The following CNTNAP2 variants were observed in gnomAD, a reference collection of about 807,000 sequenced individuals.
CNTNAP2 encodes contactin associated protein 2, also known as contactin-associated protein-like 2.
Under a neutral mutation model 155.2 loss-of-function variants are expected in CNTNAP2, and 98 were observed. The ratio of observed to expected loss-of-function variants is 0.63; its 90% CI spans 0.54 to 0.75. The LOEUF (loss-of-function observed/expected upper bound fraction) is 0.75, where lower values mean the gene tolerates loss of function less well. Ranked by LOEUF, CNTNAP2 falls within the 30% of genes least tolerant of loss-of-function variation. CNTNAP2 has a pLI of 0.00. For missense variants in CNTNAP2, 1,727 were observed against 1,688.1 expected, an observed-to-expected ratio of 1.02 and a Z score of -0.40; for synonymous variants, 651 against 631.2, an observed-to-expected ratio of 1.03 and a Z score of -0.47.
At chr7:147,087,979 A>G (rs1341484691) in intron 4 of CNTNAP2, among the ~76,000 whole-genome samples, 1 of 151,948 alleles carries the variant, frequency 6.6e-6, no homozygotes, top group Non-Finnish European at 1.5e-5. Context: ...TCCACCTCAA[A>G]AACAAAAAAA....
At chr7:147,694,495 T>A (rs1563055627) in intron 13 of CNTNAP2, among the ~76,000 whole-genome samples, 2 of 152,142 alleles carry the variant, frequency 1.3e-5, no homozygotes, top group Non-Finnish European at 1.5e-5. Flanking sequence ...ATTTAGAAGG[T>A]TATTAATTAT....
intron 12 of CNTNAP2, among the ~76,000 whole-genome samples, chr7:147,591,541 A>G (rs1800734452): frequency 6.6e-6 from 1 of 152,144 alleles, no homozygotes; most frequent in Non-Finnish European, 1.5e-5. Flanking sequence ...GCACATGAGT[A>G]TCTTCTAATC....
chr7:146,419,337 G>A (rs1795979385), intron 1 of CNTNAP2, among the ~76,000 whole-genome samples: 1 of 151,984 alleles, frequency 6.6e-6, no homozygotes, highest in Admixed American at 6.6e-5. Context: ...CACAACACTT[G>A]GGAATTATGG....
chr7:146,297,667 A>G (rs1800535695), intron 1 of CNTNAP2, among the ~76,000 whole-genome samples: 1 of 152,136 alleles, frequency 6.6e-6, no homozygotes, highest in African/African-American at 2.4e-5. Flanking sequence ...AGAGTTATAA[A>G]TTTATATGTA....
intron 13 of CNTNAP2, among the ~76,000 whole-genome samples, chr7:147,783,202 G>GTATTGTGT (rs1183929643): frequency 6.6e-6 from 1 of 152,168 alleles, no homozygotes; most frequent in African/African-American, 2.4e-5. Context: ...TTTTAGGTAA[G>GTATTGTGT]TTGGGAATTG....
At chr7:146,561,368 A>G (rs1445397402) in intron 1 of CNTNAP2, among the ~76,000 whole-genome samples, 2 of 152,160 alleles carry the variant, frequency 1.3e-5, no homozygotes, top group Non-Finnish European at 2.9e-5. Flanking sequence ...AACAAATTAC[A>G]ATAAGGTCGG....
At chr7:147,472,014 A>AAGGCAG (rs1246252671) in intron 10 of CNTNAP2, among the ~76,000 whole-genome samples, 12 of 152,140 alleles carry the variant, frequency 7.9e-5, no homozygotes, top group African/African-American at 2.9e-4. Flanking sequence ...CATGTGTGCA[A>AAGGCAG]AGGCAGCCTC....
chr7:147,830,919 A>G (rs1033048203), intron 13 of CNTNAP2, among the ~76,000 whole-genome samples: 1 of 152,222 alleles, frequency 6.6e-6, no homozygotes, highest in Non-Finnish European at 1.5e-5. Flanking sequence ...CTCTCAAAGA[A>G]TTAAATTTTG....
chr7:147,362,368 C>G (rs902653674), intron 9 of CNTNAP2, among the ~76,000 whole-genome samples: 1 of 152,096 alleles, frequency 6.6e-6, no homozygotes, highest in Non-Finnish European at 1.5e-5. Flanking sequence ...CTCCTGAGCC[C>G]AAGAGATCCT....
At chr7:146,160,072 C>T (rs2116796235) in intron 1 of CNTNAP2, among the ~76,000 whole-genome samples, 1 of 152,306 alleles carries the variant, frequency 6.6e-6, no homozygotes, top group South Asian at 2.1e-4. Flanking sequence ...GGAGACTGAA[C>T]AACCTGCTCC....
At chr7:147,500,055 G>A (rs1264023694) in intron 11 of CNTNAP2, among the ~76,000 whole-genome samples, 1 of 151,342 alleles carries the variant, frequency 6.6e-6, no homozygotes, top group Non-Finnish European at 1.5e-5. Context: ...CAAAAGAACA[G>A]TATTTTTTTC....
At chr7:146,831,757 A>C (rs1427192685) in intron 2 of CNTNAP2, among the ~76,000 whole-genome samples, 1 of 148,128 alleles carries the variant, frequency 6.8e-6, no homozygotes. Flanking sequence ...GTATTTGTCT[A>C]TACTCAGTTA....
intron 8 of CNTNAP2, among the ~76,000 whole-genome samples, chr7:147,292,481 C>T (rs950131973): frequency 6.6e-6 from 1 of 151,952 alleles, no homozygotes; most frequent in Non-Finnish European, 1.5e-5. Context: ...TTTTCTTAAA[C>T]ATTTTTGAAT....
At chr7:147,254,625 T>G (rs1481953108) in intron 8 of CNTNAP2, among the ~76,000 whole-genome samples, 2 of 152,230 alleles carry the variant, frequency 1.3e-5, no homozygotes, top group Non-Finnish European at 2.9e-5. Flanking sequence ...TTCCTAGTTT[T>G]GGTTATATAT....
At chr7:146,295,579 T>C (rs1015247718) in intron 1 of CNTNAP2, among the ~76,000 whole-genome samples, 2 of 152,160 alleles carry the variant, frequency 1.3e-5, no homozygotes, top group African/African-American at 4.8e-5. Flanking sequence ...CATTCACCCA[T>C]TAAAATATTT....
chr7:146,508,653 T>A (rs1428374068), intron 1 of CNTNAP2, among the ~76,000 whole-genome samples: 1 of 152,158 alleles, frequency 6.6e-6, no homozygotes, highest in Non-Finnish European at 1.5e-5. Flanking sequence ...AGTTTCCTAA[T>A]CAAACACAAA....
rs890748617 is a variant in CNTNAP2 at position 147,737,331 on chromosome 7, A to G, written c.2098+98025A>G. ...TGGGTATCAGCAGCAGAGGCTGCAG[A>G]ACAGTGAATATTGGTGAACAGCAAA... On this transcript the variant is annotated intron_variant, in intron 13 of 23. Transcript: ENST00000361727. Among the ~76,000 whole-genome samples the G allele has an allele frequency of 3.9e-5, 6 of 152,256 alleles. No individual in the cohort carries two copies. The East Asian group carries it at 1.2e-3, about 29-fold the overall frequency.
intron 8 of CNTNAP2, among the ~76,000 whole-genome samples, chr7:147,256,290 G>A (rs1323449082): frequency 6.6e-6 from 1 of 152,148 alleles, no homozygotes; most frequent in South Asian, 2.1e-4. Context: ...CAGAGTGAGA[G>A]AGAAAGATGG....
chr7:146,547,077 T>C (rs985835317), intron 1 of CNTNAP2, among the ~76,000 whole-genome samples: 1 of 151,896 alleles, frequency 6.6e-6, no homozygotes, highest in Non-Finnish European at 1.5e-5. Flanking sequence ...TAAGTTCGAG[T>C]GTGTCCAAAG....
Sources: allele counts gnomAD v4.1 joint callset (sites outside exome capture counted in the v4.1 genomes callset), GRCh38; gene constraint gnomAD v4.1.1; transcripts MANE v1.5; gene names NCBI Gene and HGNC (gene_info 2026-07-23, HGNC 2026-07-21).